AFF2: variants seen among roughly 807,000 people sequenced by gnomAD.
AFF2 encodes the protein ALF transcription elongation factor 2.
AFF2 carries 14 observed loss-of-function variants against 76.9 expected under a neutral mutation model. The ratio of observed to expected loss-of-function variants is 0.18; its 90% CI spans 0.12 to 0.28. AFF2 has a LOEUF of 0.28. Ranked by LOEUF, AFF2 falls within the 10% of genes least tolerant of loss-of-function variation. The pLI is 1.00. For synonymous variants in AFF2, 398 were observed against 366.7 expected (o/e 1.09, Z -0.98); for missense variants, 868 against 1,001.1 (o/e 0.87, Z 1.79).
intron 9 of AFF2, among the ~76,000 whole-genome samples, chrX:148,938,381 T>C (rs782439901): frequency 8.9e-6 from 1 of 112,412 alleles, no homozygotes; most frequent in Non-Finnish European, 1.9e-5. Context: ...TACAGTATTG[T>C]CTTGCGTGGC....
chrX:148,835,553 T>C (rs2070512582), intron 4 of AFF2, among the ~76,000 whole-genome samples: 1 of 104,618 alleles, frequency 9.6e-6, no homozygotes, highest in African/African-American at 3.5e-5. Context: ...GGCACAATCT[T>C]GACACACTGC....
intron 13 of AFF2, among the ~76,000 whole-genome samples, chrX:148,964,140 T>A (rs1341559871): frequency 8.9e-6 from 1 of 112,464 alleles, no homozygotes; most frequent in Middle Eastern, 4.6e-3. Flanking sequence ...CAGCAAACAC[T>A]GAGGGCACTG....
rs781953632 is a variant in AFF2, at chrX:148,876,612, A to G, written c.1263-9277A>G. 2.7e-5 allele frequency among the ~76,000 whole-genome samples: 3 copies of G among 111,959 alleles called. No homozygotes were observed. In the South Asian group the frequency reaches 1.1e-3, roughly 42 times the overall value. ...ATTTAAATGTGGACAGCACATTCAC[A>G]ATGAGACCTTAGTAAATGAGAGTTA... On this transcript the variant is annotated intron_variant, in intron 7 of 20. Transcript: ENST00000370460.
chrX:148,540,729 T>C (rs782659201), intron 1 of AFF2, among the ~76,000 whole-genome samples: 27 of 111,461 alleles, frequency 2.4e-4, no homozygotes, highest in African/African-American at 7.5e-4. Flanking sequence ...AAATAAATGA[T>C]TGCAGCTCCT....
intron 7 of AFF2, among the ~76,000 whole-genome samples, chrX:148,871,276 C>T (rs1464393077): frequency 1.8e-5 from 2 of 111,016 alleles, no homozygotes; most frequent in Non-Finnish European, 3.8e-5. Context: ...GTTACATACC[C>T]GTACAGGGCC....
chrX:148,745,517 T>C (rs1557266013), intron 3 of AFF2, among the ~76,000 whole-genome samples: 1 of 112,049 alleles, frequency 8.9e-6, no homozygotes, highest in Non-Finnish European at 1.9e-5. Context: ...GGACTCTATT[T>C]TACTTGAAAT....
intron 9 of AFF2, among the ~76,000 whole-genome samples, chrX:148,949,196 A>G (rs2071936107): frequency 9.0e-6 from 1 of 111,422 alleles, no homozygotes; most frequent in Non-Finnish European, 1.9e-5. Flanking sequence ...TCTTATCTGC[A>G]TCTATTCATT....
chrX:148,852,609 A>G (rs782058957), intron 7 of AFF2, among the ~76,000 whole-genome samples: 1 of 111,510 alleles, frequency 9.0e-6, no homozygotes, highest in Admixed American at 9.6e-5. Flanking sequence ...GAAGAAAACA[A>G]TCTGGATGTG....
At chrX:148,881,759 G>A (rs887706623) in intron 7 of AFF2, among the ~76,000 whole-genome samples, 1 of 110,918 alleles carries the variant, frequency 9.0e-6, no homozygotes, top group Non-Finnish European at 1.9e-5. Context: ...AAATTCCTTT[G>A]ACAATAATAA....
chrX:148,603,919 G>A (rs139617454), intron 1 of AFF2, among the ~76,000 whole-genome samples: 2,421 of 108,410 alleles, frequency 0.022, 70 homozygotes, highest in African/African-American at 0.077. Flanking sequence ...ATTCTCCCTC[G>A]TGCACTTTGT....
chrX:148,794,465 A>C (rs1221767401), intron 3 of AFF2, among the ~76,000 whole-genome samples: 2 of 111,711 alleles, frequency 1.8e-5, no homozygotes, highest in Non-Finnish European at 3.8e-5. Context: ...GTACAGCATC[A>C]AGGTGCTGAA....
intron 20 of AFF2, among the ~76,000 whole-genome samples, chrX:148,988,982 A>G (rs1557291940): frequency 2.7e-5 from 3 of 112,647 alleles, no homozygotes. Flanking sequence ...CTCATTTCTT[A>G]ATCAATAGGC....
At chrX:148,912,892 A>G (rs1323636458) in intron 9 of AFF2, among the ~76,000 whole-genome samples, 1 of 112,622 alleles carries the variant, frequency 8.9e-6, no homozygotes, top group Non-Finnish European at 1.9e-5. Flanking sequence ...CACTCATTTC[A>G]AGATAATGAG....
rs1398191885 is a variant in AFF2, at chrX:148,662,017, T to A, written c.290T>A (p.Ile97Asn). The A allele has an allele frequency of 1.1e-5, 13 of 1,210,327 alleles. No individual in the cohort carries two copies. Among genetic ancestry groups the A allele is most frequent in the African/African-American group, 1.7e-5 (1 of 57,662 alleles). ...TCTAATCAGAATCACCTAGTGGGAA[T>A]TCCAAAGAATTCTGTGCCCCAGAAT... ...NHSNQNHLVGIPKNSVPQNPN... is the reference protein window; with the variant it reads ...NHSNQNHLVGNPKNSVPQNPN... Residue 97 changes from isoleucine to asparagine, a missense_variant, in exon 3 of 21, where the codon ATT becomes AAT. By Grantham distance (149) the Ile-to-Asn change is moderately radical. Around this residue, in one of 6 missense-constraint regions of AFF2, gnomAD observed 196 missense variants for 194.8 expected, o/e 1.01. Coordinates refer to ENST00000370460, the MANE Select transcript of AFF2 (RefSeq NM_002025.4).
intron 8 of AFF2, among the ~76,000 whole-genome samples, chrX:148,898,110 G>T (rs1231085156): frequency 8.9e-6 from 1 of 112,366 alleles, no homozygotes; most frequent in Non-Finnish European, 1.9e-5. Context: ...TAGCCAGAGT[G>T]AAGGGAGCAA....
intron 1 of AFF2, among the ~76,000 whole-genome samples, chrX:148,593,762 C>T (rs1423046644): frequency 8.9e-6 from 1 of 112,050 alleles, no homozygotes; most frequent in African/African-American, 3.2e-5. Context: ...TACATGCATT[C>T]TTGTTTAATC....
chrX:148,875,828 A>G (rs12853274), intron 7 of AFF2, among the ~76,000 whole-genome samples: 3 of 111,317 alleles, frequency 2.7e-5, no homozygotes, highest in African/African-American at 6.5e-5. Context: ...GCTTTGTTCT[A>G]CAAATAGACA....
intron 4 of AFF2, among the ~76,000 whole-genome samples, chrX:148,831,577 G>A (rs1008806793): frequency 1.8e-5 from 2 of 111,930 alleles, no homozygotes; most frequent in Admixed American, 1.9e-4. Context: ...CACCCCCACT[G>A]CTGCTGCAGA....
Position 148,816,343 on chromosome X carries a change from G to A in AFF2, c.1086+6423G>A, listed in dbSNP as rs377673757. Reference sequence around the variant, plus strand: ...TAAAACAAGGCTTGTCCCTTCTCTCGTTTGTCATTAGAAGCATTCAGGAGA... The same window carrying A: ...TAAAACAAGGCTTGTCCCTTCTCTCATTTGTCATTAGAAGCATTCAGGAGA... On this transcript the variant is annotated intron_variant, in intron 4 of 20. Transcript: ENST00000370460. 9.9e-5 allele frequency among the ~76,000 whole-genome samples: 11 copies of A among 111,524 alleles called. No individual in the cohort carries two copies. In the East Asian group the frequency reaches 1.7e-3, roughly 17 times the overall value.
Sources: gnomAD v4.1 joint callset for allele counts (sites outside exome capture counted in the v4.1 genomes callset) on GRCh38, gnomAD v4.1.1 for gene constraint, gnomAD v4.1.1 regional missense constraint, MANE v1.5 for transcripts, NCBI Gene and HGNC (gene_info 2026-07-23, HGNC 2026-07-21) for gene names.